Variants in CASP6 observed in about 807,000 individuals in gnomAD.
CASP6 encodes caspase 6.
In CASP6, 20 loss-of-function variants were observed where a neutral mutation model predicts 31.8. The observed-to-expected ratio is 0.63, with a 90% CI of 0.44 to 0.91. The LOEUF (loss-of-function observed/expected upper bound fraction) is 0.91, where lower values mean the gene tolerates loss of function less well. Among genes scored for constraint, CASP6 ranks in the 40% least tolerant of loss-of-function variants. The pLI is 0.00. For synonymous variants in CASP6, 130 were observed against 127.8 expected (o/e 1.02, Z -0.12); for missense variants, 328 against 361.1 (o/e 0.91, Z 0.74).
the CASP6 span, among the ~76,000 whole-genome samples, chr4:109,669,177 A>G: frequency 3.3e-5 from 5 of 152,114 alleles, no homozygotes; most frequent in Non-Finnish European, 7.4e-5. Context: ...CTTTTCTCTG[A>G]AGAACTTCTT....
At chr4:109,702,661 G>C (rs1730458521) in intron 1 of CASP6, 1 of 152,244 alleles carries the variant, frequency 6.6e-6, no homozygotes, top group South Asian at 2.1e-4. Flanking sequence ...ACTCTGGCCA[G>C]GCTTGAAGTT....
At position 109,699,039 on chromosome 4, in the gene CASP6, A is replaced by G. The variant is rs5030546; in HGVS notation, c.41-697T>C. On this transcript the variant is annotated intron_variant, in intron 1 of 6. Transcript: ENST00000265164. ...CTGTCTCATAAGGTAGCCACTGGCCACATGTGTCTACTGAGCATTTAAATG... is the reference window on the plus strand; with the variant it reads ...CTGTCTCATAAGGTAGCCACTGGCCGCATGTGTCTACTGAGCATTTAAATG... Among the ~76,000 whole-genome samples the G allele has an allele frequency of 5.5e-3, 835 of 152,344 alleles. 12 individuals carry two copies. The highest frequency in any genetic ancestry group is 0.019 in the African/African-American group (799 of 41,580).
At chr4:109,706,952 AAG>A (rs1054265091), upstream of CASP6, among the ~76,000 whole-genome samples, 2 of 152,132 alleles carry the variant, frequency 1.3e-5, no homozygotes, top group African/African-American at 4.8e-5. Flanking sequence ...GCCTTATTTT[AAG>A]AGATTGCCAG....
the CASP6 span, among the ~76,000 whole-genome samples, chr4:109,678,865 G>A: frequency 1.2e-4 from 17 of 143,234 alleles, no homozygotes; most frequent in African/African-American, 3.2e-4. Context: ...CAGATGGGGC[G>A]GCCGGGCAGA....
intron 5 of CASP6, among the ~76,000 whole-genome samples, chr4:109,691,364 T>C (rs1172817350): frequency 6.6e-6 from 1 of 152,186 alleles, no homozygotes; most frequent in Non-Finnish European, 1.5e-5. Flanking sequence ...AGCTATAGTA[T>C]TGACCTAAGT....
downstream of CASP6, chr4:109,685,236 C>T (rs200145381): frequency 2.2e-6 from 2 of 928,702 alleles, no homozygotes; most frequent in African/African-American, 4.9e-5. Context: ...TCTTCTCTCT[C>T]TCTTTTTTTT....
the CASP6 span, among the ~76,000 whole-genome samples, chr4:109,680,209 C>T: frequency 6.6e-6 from 1 of 152,176 alleles, no homozygotes; most frequent in African/African-American, 2.4e-5. Flanking sequence ...ACTCCCAACC[C>T]GTGGGTGCCT....
Position 109,694,593 on chromosome 4 carries a change from A to G in CASP6, c.415T>C (p.Leu139=), listed in dbSNP as rs777849232. ...TTGTCTCCTTTGAACAAGCCAGTTA[A>G]TGTCTGAATTTCGATTTTAGCATCA... ...AYDAKIEIQT[L]TGLFKGDKCH... Residue 139 remains leucine, a synonymous_variant, in exon 5 of 7, where the codon TTA becomes CTA. Coordinates refer to ENST00000265164, the MANE Select transcript of CASP6 (RefSeq NM_001226.4). 3.1e-6 allele frequency: 5 copies of G among 1,612,328 alleles called. No homozygotes were observed. In the South Asian group the frequency reaches 5.5e-5, roughly 18 times the overall value.
intron 4 of CASP6, among the ~76,000 whole-genome samples, chr4:109,695,474 G>C (rs1366545245): frequency 6.6e-6 from 1 of 152,046 alleles, no homozygotes; most frequent in African/African-American, 2.4e-5. Flanking sequence ...ACAGCACTTA[G>C]GGCCAGGCGC....
chr4:109,688,558 G>A (rs911197944), downstream of CASP6: 1 of 152,162 alleles, frequency 6.6e-6, no homozygotes, highest in South Asian at 2.1e-4. Flanking sequence ...ACATTTAAAT[G>A]ACCGAGTAAA....
intron 6 of CASP6, among the ~76,000 whole-genome samples, chr4:109,690,021 C>G (rs558357631): frequency 1.3e-5 from 2 of 151,772 alleles, no homozygotes; most frequent in Admixed American, 1.3e-4. Context: ...CCCATCTCTA[C>G]TAAAACTACA....
chr4:109,684,855 G>C, downstream of CASP6: 1 of 475,326 alleles, frequency 2.1e-6, no homozygotes, highest in Non-Finnish European at 3.7e-6. Flanking sequence ...AGTAATTAGT[G>C]TAACACACAA....
chr4:109,698,482 A>G (rs917159751), intron 1 of CASP6, 140 bp from the exon 2 acceptor site: 2 of 620,356 alleles, frequency 3.2e-6, no homozygotes, highest in Non-Finnish European at 5.3e-6. Flanking sequence ...GTATGTGAAG[A>G]AAAGGAAATG....
chr4:109,692,665 G>A (rs1730095311), intron 5 of CASP6: 2 of 151,970 alleles, frequency 1.3e-5, no homozygotes, highest in South Asian at 2.1e-4. Context: ...CCTTTTTCAG[G>A]CTGTATTCAA....
intron 1 of CASP6, among the ~76,000 whole-genome samples, chr4:109,699,618 A>T (rs1379637595): frequency 6.6e-6 from 1 of 152,190 alleles, no homozygotes; most frequent in Non-Finnish European, 1.5e-5. Flanking sequence ...GCAGAATCAG[A>T]ATCTTGGAGG....
the CASP6 span, among the ~76,000 whole-genome samples, chr4:109,708,742 G>A: frequency 6.6e-6 from 1 of 152,284 alleles, no homozygotes; most frequent in African/African-American, 2.4e-5. Context: ...AGTCTATGTG[G>A]TTAAGTATTT....
At chr4:109,697,178 TATG>T (rs1185885182) in intron 3 of CASP6, among the ~76,000 whole-genome samples, 2 of 152,180 alleles carry the variant, frequency 1.3e-5, no homozygotes, top group Admixed American at 6.5e-5. Flanking sequence ...GTTGACAAGT[TATG>T]ATAAGTAACT....
chr4:109,682,654 T>G, the CASP6 span: 1 of 1,612,912 alleles, frequency 6.2e-7, no homozygotes, highest in Non-Finnish European at 8.5e-7. Context: ...TTTACAATCT[T>G]GCATTTAGAA....
At chr4:109,693,519 C>A (rs760967795) in intron 5 of CASP6, among the ~76,000 whole-genome samples, 41 of 152,030 alleles carry the variant, frequency 2.7e-4, no homozygotes, top group Non-Finnish European at 4.9e-4. Flanking sequence ...GAAACCCCAT[C>A]TCTATGAAAA....
Sources: gnomAD v4.1 joint callset for allele counts (sites outside exome capture counted in the v4.1 genomes callset) on GRCh38, gnomAD v4.1.1 for gene constraint, MANE v1.5 for transcripts, NCBI Gene and HGNC (gene_info 2026-07-23, HGNC 2026-07-21) for gene names.